The following EXD1 variants were observed in gnomAD, a reference collection of about 807,000 sequenced individuals.
EXD1 encodes the protein exonuclease 3'-5' domain containing 1.
In EXD1, 63 loss-of-function variants were observed where a neutral mutation model predicts 49.1. The ratio of observed to expected loss-of-function variants is 1.28; its 90% confidence interval spans 1.05 to 1.58. EXD1 has a LOEUF of 1.58. Ranked by LOEUF, EXD1 falls within the 40% of genes most tolerant of loss-of-function variation. The probability of loss-of-function intolerance (pLI) is 0.00; values close to 1 mark genes in which losing one functional copy is unlikely to be tolerated. For synonymous variants in EXD1, 234 were observed against 239.2 expected (o/e 0.98, Z 0.20); for missense variants, 748 against 666.0 (o/e 1.12, Z -1.36).
intron 9 of EXD1, 82 bp downstream of exon 9, chr15:41,195,693 C>A: frequency 1.7e-5 from 16 of 956,404 alleles, no homozygotes; most frequent in Non-Finnish European, 2.2e-5. Context: ...AAAAGACTTT[C>A]ACTCATCAGA....
chr15:41,229,643 C>T (rs1387843511), intron 1 of EXD1, among the ~76,000 whole-genome samples: 8 of 152,130 alleles, frequency 5.3e-5, no homozygotes, highest in African/African-American at 1.9e-4. Context: ...TGGCGCATGC[C>T]TGTAACCCCA....
chr15:41,202,252 G>A (rs2046743913), intron 7 of EXD1, among the ~76,000 whole-genome samples: 1 of 151,732 alleles, frequency 6.6e-6, no homozygotes, highest in South Asian at 2.1e-4. Flanking sequence ...TCGGCTCACT[G>A]CAGCCTCTGC....
intron 3 of EXD1, among the ~76,000 whole-genome samples, chr15:41,219,239 C>G (rs1389430214): frequency 6.6e-6 from 1 of 152,134 alleles, no homozygotes; most frequent in Non-Finnish European, 1.5e-5. Flanking sequence ...AAGAATAAGG[C>G]TGCTTCCTGC....
intron 2 of EXD1, among the ~76,000 whole-genome samples, chr15:41,222,638 ATTTTT>A (rs10555628): frequency 0.032 from 4,311 of 133,752 alleles, 227 homozygotes; most frequent in African/African-American, 0.11. Context: ...TTTTATTTAA[ATTTTT>A]TTTTTTTTTT....
At chr15:41,217,033 A>G in intron 4 of EXD1, 64 bp downstream of exon 4, 8 of 1,465,988 alleles carry the variant, frequency 5.5e-6, no homozygotes, top group Non-Finnish European at 7.6e-6. Context: ...ATTAGAGTTA[A>G]GGCTTTCTAC....
At position 41,183,929 on chromosome 15, in the gene EXD1, C is replaced by G. The variant is rs2046360886; in HGVS notation, c.*2G>C. Reference sequence around the variant, plus strand: ...ATGGCCTTAAGAACAAACTGCCCATCTCTAGGGCAGATTTAGAAAAGGACT... The same window carrying G: ...ATGGCCTTAAGAACAAACTGCCCATGTCTAGGGCAGATTTAGAAAAGGACT... On this transcript the variant is annotated 3_prime_UTR_variant, in exon 12 of 12. Coordinates refer to ENST00000458580, the MANE Select transcript of EXD1 (RefSeq NM_001286441.2). The G allele has an allele frequency of 2.5e-6, 4 of 1,583,664 alleles. No homozygotes were observed. The highest frequency in any genetic ancestry group is 3.4e-6 in the Non-Finnish European group (4 of 1,165,478).
At chr15:41,219,552 G>A (rs2140900145) in intron 3 of EXD1, 1 of 294,312 alleles carries the variant, frequency 3.4e-6, no homozygotes, top group Non-Finnish European at 6.3e-6. Flanking sequence ...ATTTTAAGTA[G>A]CTTGCTTAGC....
chr15:41,224,141 T>C (rs2047128797), intron 2 of EXD1, among the ~76,000 whole-genome samples: 1 of 152,180 alleles, frequency 6.6e-6, no homozygotes. Context: ...GTTTACCATG[T>C]TGCCCAGGCT....
At chr15:41,215,020 C>T (rs2046979310) in intron 6 of EXD1, among the ~76,000 whole-genome samples, 1 of 152,158 alleles carries the variant, frequency 6.6e-6, no homozygotes. Context: ...GCTGGGATTA[C>T]AGGCGTGAGC....
intron 2 of EXD1, 63 bp from the exon 3 acceptor site, chr15:41,219,961 G>T: frequency 7.9e-7 from 1 of 1,270,488 alleles, no homozygotes; most frequent in Non-Finnish European, 1.1e-6. Flanking sequence ...AAGAAAATAT[G>T]ATGCCTCTCA....
chr15:41,204,667 G>A (rs532373336), intron 7 of EXD1, among the ~76,000 whole-genome samples: 4 of 152,202 alleles, frequency 2.6e-5, no homozygotes, highest in Admixed American at 1.3e-4. Context: ...GGAGTTCAAG[G>A]CTGAAGTGAG....
intron 2 of EXD1, among the ~76,000 whole-genome samples, chr15:41,226,144 C>T (rs2047161976): frequency 2.0e-5 from 3 of 150,928 alleles, no homozygotes; most frequent in African/African-American, 7.3e-5. Context: ...CCCAGCTACT[C>T]GGGAGGCTGA....
rs547037218 is a variant in EXD1 at position 41,211,357 on chromosome 15, T to C, written c.448-1770A>G. Among the ~76,000 whole-genome samples, 442 of 152,144 alleles carry C rather than the reference T, an allele frequency of 2.9e-3. 1 individual carries two copies. Among genetic ancestry groups the C allele is most frequent in the Non-Finnish European group, 4.8e-3 (326 of 67,962 alleles). On this transcript the variant is annotated intron_variant, in intron 6 of 11. Coordinates refer to ENST00000458580, the MANE Select transcript of EXD1 (RefSeq NM_001286441.2). ...AACTCCTGGGCTCAAGTGATCTGCC[T>C]GCCTTGGCCTCCAAAAGTGCTGGTA...
At chr15:41,186,493 GA>G (rs949250984) in intron 11 of EXD1, among the ~76,000 whole-genome samples, 5 of 82,126 alleles carry the variant, frequency 6.1e-5, no homozygotes, top group African/African-American at 1.0e-4. Flanking sequence ...AAAAAAATCA[GA>G]AAAAAAAAGA....
chr15:41,192,064 G>A (rs1315859323), intron 9 of EXD1: 1 of 155,144 alleles, frequency 6.4e-6, no homozygotes, highest in Non-Finnish European at 1.4e-5. Flanking sequence ...CCTGTTCCAT[G>A]TCTGATCTGG....
chr15:41,214,077 G>A (rs989464266), intron 6 of EXD1, among the ~76,000 whole-genome samples: 31 of 152,138 alleles, frequency 2.0e-4, no homozygotes, highest in African/African-American at 7.5e-4. Flanking sequence ...TGAGGCAGGA[G>A]AATGGCGTGA....
chr15:41,208,369 G>GAAAAA (rs10586810), intron 7 of EXD1, among the ~76,000 whole-genome samples: 145 of 62,156 alleles, frequency 2.3e-3, no homozygotes, highest in Non-Finnish European at 4.1e-3. Context: ...ACTCATCTCT[G>GAAAAA]AAAAAAAAAA....
intron 7 of EXD1, among the ~76,000 whole-genome samples, chr15:41,196,678 A>C (rs1200801439): frequency 6.7e-6 from 1 of 149,100 alleles, no homozygotes; most frequent in Non-Finnish European, 1.5e-5. Flanking sequence ...TGATCTACAC[A>C]CCTCGGCCTC....
chr15:41,224,702 T>C (rs2047135645), intron 2 of EXD1, among the ~76,000 whole-genome samples: 1 of 152,212 alleles, frequency 6.6e-6, no homozygotes, highest in Non-Finnish European at 1.5e-5. Context: ...CTCACACCTA[T>C]AAACCTAGCA....
Sources: gnomAD v4.1 joint callset for allele counts (sites outside exome capture counted in the v4.1 genomes callset) on GRCh38, gnomAD v4.1.1 for gene constraint, MANE v1.5 for transcripts, NCBI Gene and HGNC (gene_info 2026-07-23, HGNC 2026-07-21) for gene names.